Variants in CDYL observed in about 807,000 individuals in gnomAD.
The protein encoded by CDYL is chromodomain Y-like protein.
A neutral mutation model predicts 47.3 loss-of-function variants in CDYL; 8 were observed. The ratio of observed to expected loss-of-function variants is 0.17; its 90% CI spans 0.10 to 0.31. The LOEUF (loss-of-function observed/expected upper bound fraction) is 0.31, where lower values mean the gene tolerates loss of function less well. Among genes scored for constraint, CDYL ranks in the 10% least tolerant of loss-of-function variants. The probability of loss-of-function intolerance (pLI) is 1.00; values close to 1 mark genes in which losing one functional copy is unlikely to be tolerated. For missense variants in CDYL, 471 were observed against 701.4 expected, an observed-to-expected ratio of 0.67 and a Z score of 3.71; for synonymous variants, 266 against 265.0, an observed-to-expected ratio of 1.00 and a Z score of -0.04.
intron 3 of CDYL, among the ~76,000 whole-genome samples, chr6:4,760,912 C>A (rs1261381794): frequency 1.3e-5 from 2 of 151,972 alleles, no homozygotes; most frequent in Admixed American, 1.3e-4. Context: ...GCATCCCAAC[C>A]CCCGTAGATA....
chr6:4,829,079 GT>G, intron 1 of CDYL, among the ~76,000 whole-genome samples: 1 of 152,140 alleles, frequency 6.6e-6, no homozygotes, highest in South Asian at 2.1e-4. Context: ...CTTCTGGCTG[GT>G]TTCTGTCAAT....
rs186283424 is a variant in CDYL, at chr6:4,895,485, A to G, written c.691+3106A>G. Among the ~76,000 whole-genome samples, 36 of 119,262 alleles carry G rather than the reference A, an allele frequency of 3.0e-4. 11 individuals are homozygous for G. Among genetic ancestry groups the G allele is most frequent in the African/African-American group, 1.2e-3 (34 of 28,616 alleles). The allele number at this position is 119,262 out of a possible 152,430, so 78.2% of individuals were successfully genotyped here. A position where few individuals can be genotyped will look rare whatever the true frequency, so the allele number is the denominator to read the frequency against. ...TATACATATATACGTATATATGTAT[A>G]TATACATGTATACATATATACGTAT... is the stretch of plus-strand genomic sequence containing the variant. On this transcript the variant is annotated intron_variant, in intron 2 of 6. Coordinates refer to ENST00000397588, the MANE Select transcript of CDYL (RefSeq NM_004824.4).
chr6:4,778,594 C>CT (rs1758531295), intron 1 of CDYL, among the ~76,000 whole-genome samples: 1 of 152,038 alleles, frequency 6.6e-6, no homozygotes, highest in African/African-American at 2.4e-5. Context: ...CAAGGAGTGT[C>CT]TGTTGGGGAG....
chr6:4,901,280 C>T (rs764932503), intron 2 of CDYL, among the ~76,000 whole-genome samples: 1 of 152,102 alleles, frequency 6.6e-6, no homozygotes, highest in East Asian at 1.9e-4. Context: ...TAAATTTGCT[C>T]TTGTCGCTGC....
chr6:4,948,998 G>C (rs1354987773), intron 5 of CDYL, among the ~76,000 whole-genome samples: 1 of 152,246 alleles, frequency 6.6e-6, no homozygotes, highest in African/African-American at 2.4e-5. Context: ...CTTTGCATGT[G>C]CAGAGCTCTG....
At chr6:4,717,445 A>G (rs1054380996) in intron 2 of CDYL, among the ~76,000 whole-genome samples, 1 of 152,026 alleles carries the variant, frequency 6.6e-6, no homozygotes, top group Non-Finnish European at 1.5e-5. Flanking sequence ...CACGGTGGCT[A>G]AAGGCCTTTG....
intron 2 of CDYL, among the ~76,000 whole-genome samples, chr6:4,725,847 C>G (rs1757502833): frequency 6.6e-6 from 1 of 152,244 alleles, no homozygotes; most frequent in Non-Finnish European, 1.5e-5. Flanking sequence ...TGAACAAACT[C>G]CGGACACGCT....
At chr6:4,910,725 T>C (rs2127499958) in intron 2 of CDYL, among the ~76,000 whole-genome samples, 1 of 152,334 alleles carries the variant, frequency 6.6e-6, no homozygotes, top group South Asian at 2.1e-4. Context: ...TTAGTCGGGT[T>C]TTTATAAAGC....
intron 2 of CDYL, among the ~76,000 whole-genome samples, chr6:4,908,390 C>T (rs1757303567): frequency 6.6e-6 from 1 of 152,068 alleles, no homozygotes; most frequent in African/African-American, 2.4e-5. Context: ...TGTCCTTGGG[C>T]CCTAGTTTGA....
chr6:4,733,728 G>A (rs1178568343), intron 2 of CDYL, among the ~76,000 whole-genome samples: 2 of 152,056 alleles, frequency 1.3e-5, no homozygotes, highest in Non-Finnish European at 2.9e-5. Context: ...GGCTTTTCCC[G>A]TCCACCTAAG....
chr6:4,881,454 C>T lies in CDYL; in HGVS notation c.25-10259C>T, dbSNP rs868011563. 6.6e-5 allele frequency among the ~76,000 whole-genome samples: 10 copies of T among 152,144 alleles called. No individual in the cohort carries two copies. The South Asian group carries it at 1.7e-3, about 25-fold the overall frequency. ...GAAACATGAATTACCAGGCTGCATCCCGGGCCTCAGAAATTCTGTGGGAGA... is the reference window on the plus strand; with the variant it reads ...GAAACATGAATTACCAGGCTGCATCTCGGGCCTCAGAAATTCTGTGGGAGA... On this transcript the variant is annotated intron_variant, in intron 1 of 6. Coordinates refer to ENST00000397588, the MANE Select transcript of CDYL (RefSeq NM_004824.4).
At chr6:4,712,558 C>G (rs558863250) in intron 1 of CDYL, among the ~76,000 whole-genome samples, 5 of 152,214 alleles carry the variant, frequency 3.3e-5, no homozygotes, top group Admixed American at 6.5e-5. Context: ...AGCCGAAGGA[C>G]ACTTGTGACA....
At chr6:4,895,325 GTATA>G (rs1224411333) in intron 2 of CDYL, among the ~76,000 whole-genome samples, 5 of 141,336 alleles carry the variant, frequency 3.5e-5, no homozygotes, top group African/African-American at 1.6e-4. Flanking sequence ...ATGCATGTAT[GTATA>G]TATGTGCATA....
intron 3 of CDYL, among the ~76,000 whole-genome samples, chr6:4,763,760 T>C (rs1283339964): frequency 6.6e-6 from 1 of 152,132 alleles, no homozygotes; most frequent in Non-Finnish European, 1.5e-5. Flanking sequence ...CCTGTCAACA[T>C]AGTGAAACCT....
chr6:4,710,694 G>A (rs1039608921), intron 1 of CDYL, among the ~76,000 whole-genome samples: 4 of 152,040 alleles, frequency 2.6e-5, no homozygotes, highest in South Asian at 2.1e-4. Flanking sequence ...CTGTGCTCCC[G>A]TCTTTATTCT....
chr6:4,946,698 C>CGTG (rs1423405013), intron 5 of CDYL, among the ~76,000 whole-genome samples: 3 of 121,882 alleles, frequency 2.5e-5, no homozygotes, highest in South Asian at 3.1e-4. Flanking sequence ...GAACTCAGCT[C>CGTG]GTGGTGGTCA....
At chr6:4,733,631 G>A (rs2326535) in intron 2 of CDYL, among the ~76,000 whole-genome samples, 44,739 of 151,886 alleles carry the variant, frequency 0.29, 6,724 homozygotes, top group African/African-American at 0.34. Flanking sequence ...AGTTTTAAGA[G>A]AAACTTCATT....
rs151257251 is a variant in CDYL at position 4,810,165 on chromosome 6, A to G, written c.24+33358A>G. Reference sequence around the variant, plus strand: ...TTTATGACTCGCCCTTGCCTACGGGATAATGACATAATGCATAGTTGTCTA... The same window carrying G: ...TTTATGACTCGCCCTTGCCTACGGGGTAATGACATAATGCATAGTTGTCTA... On this transcript the variant is annotated intron_variant, in intron 1 of 6. Transcript: ENST00000397588. Among the ~76,000 whole-genome samples the G allele has an allele frequency of 7.3e-3, 1,107 of 152,206 alleles. 14 individuals are homozygous for G. Among genetic ancestry groups the G allele is most frequent in the African/African-American group, 0.026 (1,069 of 41,472 alleles).
chr6:4,921,544 A>G (rs1233840879), intron 2 of CDYL, among the ~76,000 whole-genome samples: 2 of 150,386 alleles, frequency 1.3e-5, no homozygotes, highest in Non-Finnish European at 2.9e-5. Context: ...CTCAGCCCCC[A>G]CTTCCTAGGC....
Sources: allele counts gnomAD v4.1 joint callset (sites outside exome capture counted in the v4.1 genomes callset), GRCh38; gene constraint gnomAD v4.1.1; transcripts MANE v1.5; gene names NCBI Gene and HGNC (gene_info 2026-07-23, HGNC 2026-07-21).